Variants in IGF2BP2 observed in about 807,000 individuals in gnomAD.
IGF2BP2 encodes insulin-like growth factor 2 mRNA-binding protein 2.
Under a neutral mutation model 75.8 loss-of-function variants are expected in IGF2BP2, and 17 were observed. The observed-to-expected ratio is 0.22, with a 90% CI of 0.15 to 0.34. IGF2BP2 has a LOEUF of 0.34. Among genes scored for constraint, IGF2BP2 ranks in the 10% least tolerant of loss-of-function variants. IGF2BP2 has a pLI of 1.00. For missense variants in IGF2BP2, 516 were observed against 772.4 expected (o/e 0.67, Z 3.93); for synonymous variants, 288 against 295.6 (o/e 0.97, Z 0.26).
chr3:185,676,941 C>CAT (rs1159123170), intron 7 of IGF2BP2, among the ~76,000 whole-genome samples: 19 of 132,230 alleles, frequency 1.4e-4, no homozygotes, highest in South Asian at 4.8e-4. Context: ...GAGAGAGAGA[C>CAT]ATATATATAT....
chr3:185,769,080 C>T (rs1001374456), intron 2 of IGF2BP2, among the ~76,000 whole-genome samples: 34 of 152,034 alleles, frequency 2.2e-4, no homozygotes, highest in African/African-American at 6.8e-4. Flanking sequence ...CGGTGGTCCA[C>T]GCCTGTAATC....
chr3:185,795,655 T>C (rs896672351), intron 2 of IGF2BP2, among the ~76,000 whole-genome samples: 1 of 152,202 alleles, frequency 6.6e-6, no homozygotes, highest in Admixed American at 6.5e-5. Flanking sequence ...CCAAAGCATG[T>C]GGATCACCTG....
intron 11 of IGF2BP2, 83 bp downstream of exon 11, chr3:185,658,258 T>TG: frequency 1.6e-6 from 2 of 1,281,568 alleles, no homozygotes; most frequent in Non-Finnish European, 2.3e-6. Context: ...ATCTGCATTG[T>TG]GAACATTCAC....
At chr3:185,810,866 G>T (rs1739722746) in intron 2 of IGF2BP2, among the ~76,000 whole-genome samples, 1 of 151,934 alleles carries the variant, frequency 6.6e-6, no homozygotes, top group Non-Finnish European at 1.5e-5. Context: ...CTGGACATAT[G>T]AGAATCAAAT....
chr3:185,798,856 C>T (rs907267572), intron 2 of IGF2BP2, among the ~76,000 whole-genome samples: 2 of 147,424 alleles, frequency 1.4e-5, no homozygotes, highest in South Asian at 2.1e-4. Context: ...TGCAGTGGTG[C>T]GGTCTTGGCT....
At chr3:185,774,211 G>A (rs1009520689) in intron 2 of IGF2BP2, among the ~76,000 whole-genome samples, 7 of 152,076 alleles carry the variant, frequency 4.6e-5, no homozygotes, top group Non-Finnish European at 5.9e-5. Flanking sequence ...GGAGGGAGAC[G>A]GTTACACAGG....
chr3:185,718,762 T>C (rs899810320), intron 2 of IGF2BP2, among the ~76,000 whole-genome samples: 11 of 136,526 alleles, frequency 8.1e-5, no homozygotes, highest in Non-Finnish European at 1.7e-4. Flanking sequence ...TAAATCTGAG[T>C]GGAAAATGGA....
At chr3:185,707,324 T>C (rs1475157717) in intron 2 of IGF2BP2, among the ~76,000 whole-genome samples, 9 of 141,510 alleles carry the variant, frequency 6.4e-5, no homozygotes, top group Non-Finnish European at 1.4e-4. Flanking sequence ...TTTTTTTTTT[T>C]TGAGATGGAG....
chr3:185,698,841 G>A (rs1722928568), intron 2 of IGF2BP2, among the ~76,000 whole-genome samples: 1 of 151,430 alleles, frequency 6.6e-6, no homozygotes, highest in Admixed American at 6.6e-5. Flanking sequence ...TTAAGAAGGG[G>A]TCTCACTCTG....
chr3:185,821,081 A>T (rs1416388323), intron 2 of IGF2BP2: 1 of 1,535,174 alleles, frequency 6.5e-7, no homozygotes, highest in Non-Finnish European at 8.7e-7. Flanking sequence ...TCATCCCTGA[A>T]GTCTGATCTC....
At chr3:185,819,668 ATATGT>A (rs1256807126) in intron 2 of IGF2BP2, among the ~76,000 whole-genome samples, 2 of 152,082 alleles carry the variant, frequency 1.3e-5, no homozygotes, top group Non-Finnish European at 1.5e-5. Flanking sequence ...CTGTGTTAAT[ATATGT>A]TATATCTACA....
At chr3:185,672,425 C>T in intron 10 of IGF2BP2, 116 bp downstream of exon 10, 1 of 1,064,876 alleles carries the variant, frequency 9.4e-7, no homozygotes. Context: ...GGATTCATCT[C>T]TACTCGAGCA....
At chr3:185,783,565 C>T (rs1735483532) in intron 2 of IGF2BP2, among the ~76,000 whole-genome samples, 1 of 152,206 alleles carries the variant, frequency 6.6e-6, no homozygotes, top group Non-Finnish European at 1.5e-5. Context: ...GTCATTGCCT[C>T]TGTACCTCAT....
intron 2 of IGF2BP2, chr3:185,814,140 GT>G: frequency 6.6e-6 from 1 of 152,242 alleles, no homozygotes; most frequent in South Asian, 2.1e-4. Context: ...TGTACACATG[GT>G]TTAGTCACCT....
intron 2 of IGF2BP2, among the ~76,000 whole-genome samples, chr3:185,793,458 C>T (rs1736909422): frequency 6.6e-6 from 1 of 152,138 alleles, no homozygotes; most frequent in South Asian, 2.1e-4. Context: ...CACATGCTGA[C>T]CACAATGGCA....
At chr3:185,743,932 A>G (rs1729907576) in intron 2 of IGF2BP2, among the ~76,000 whole-genome samples, 2 of 152,174 alleles carry the variant, frequency 1.3e-5, no homozygotes, top group Non-Finnish European at 2.9e-5. Context: ...AGTCAGTCCT[A>G]GCAGTTCTCC....
chr3:185,813,676 A>T (rs1740214286), intron 2 of IGF2BP2, among the ~76,000 whole-genome samples: 1 of 152,234 alleles, frequency 6.6e-6, no homozygotes, highest in Admixed American at 6.5e-5. Flanking sequence ...ACAACGTTAG[A>T]CCCCTACAAC....
chr3:185,743,921 C>T (rs550515213), intron 2 of IGF2BP2, among the ~76,000 whole-genome samples: 1 of 152,224 alleles, frequency 6.6e-6, no homozygotes, highest in South Asian at 2.1e-4. Context: ...TTTTAACACC[C>T]AGTCAGTCCT....
At chr3:185,800,969 A>G (rs946467747) in intron 2 of IGF2BP2, among the ~76,000 whole-genome samples, 7 of 151,002 alleles carry the variant, frequency 4.6e-5, no homozygotes, top group Admixed American at 1.3e-4. Flanking sequence ...CACCTGACAA[A>G]GGTCTAATAT....
Sources: gnomAD v4.1 joint callset for allele counts (sites outside exome capture counted in the v4.1 genomes callset) on GRCh38, gnomAD v4.1.1 for gene constraint, MANE v1.5 for transcripts, NCBI Gene and HGNC (gene_info 2026-07-23, HGNC 2026-07-21) for gene names.